Variants in PARVA observed in about 807,000 individuals in gnomAD.
PARVA encodes parvin alpha, also known as alpha-parvin.
A neutral mutation model predicts 52.6 loss-of-function variants in PARVA; 25 were observed. The observed-to-expected ratio is 0.48, with a 90% confidence interval of 0.35 to 0.66. The LOEUF (loss-of-function observed/expected upper bound fraction) is 0.66, where lower values mean the gene tolerates loss of function less well. Ranked by LOEUF, PARVA falls within the 30% of genes least tolerant of loss-of-function variation. The probability of loss-of-function intolerance (pLI) is 0.01; values close to 1 mark genes in which losing one functional copy is unlikely to be tolerated. For synonymous variants in PARVA, 185 were observed against 179.1 expected (o/e 1.03, Z -0.26); for missense variants, 373 against 450.9 (o/e 0.83, Z 1.56).
At chr11:12,442,385 T>C (rs748515969) in intron 1 of PARVA, among the ~76,000 whole-genome samples, 2 of 152,182 alleles carry the variant, frequency 1.3e-5, no homozygotes, top group Non-Finnish European at 2.9e-5. Context: ...ATTCATACTA[T>C]TAACAGGAAG....
intron 1 of PARVA, among the ~76,000 whole-genome samples, chr11:12,428,531 G>A (rs1940270499): frequency 6.6e-6 from 1 of 152,182 alleles, no homozygotes; most frequent in Non-Finnish European, 1.5e-5. Flanking sequence ...AGATACCGCT[G>A]TATCTAGATA....
At chr11:12,409,535 G>A (rs1030920906) in intron 1 of PARVA, among the ~76,000 whole-genome samples, 4 of 152,246 alleles carry the variant, frequency 2.6e-5, no homozygotes, top group Admixed American at 6.5e-5. Context: ...GTGGAAGAGA[G>A]GACAGAAGAA....
chr11:12,439,440 G>A (rs879394314), intron 1 of PARVA, among the ~76,000 whole-genome samples: 2 of 152,218 alleles, frequency 1.3e-5, no homozygotes, highest in Admixed American at 6.5e-5. Context: ...AGATGGTTGA[G>A]ACATTATTGA....
At position 12,377,617 on chromosome 11, in the gene PARVA, C is replaced by G; in HGVS notation, c.-31C>G. 6.4e-7 allele frequency: 1 copy of G among 1,556,382 alleles called. No individual in the cohort carries two copies. Among genetic ancestry groups the G allele is most frequent in the Non-Finnish European group, 8.6e-7 (1 of 1,157,750 alleles). On this transcript the variant is annotated 5_prime_UTR_variant, in exon 1 of 13. Coordinates refer to ENST00000334956, the MANE Select transcript of PARVA (RefSeq NM_018222.5). ...GTCCGCCCAGCGCCAGCTCCGCGTCCCGACCGGCCCGCGGCAGCCTGCGCC... is the reference window on the plus strand; with the variant it reads ...GTCCGCCCAGCGCCAGCTCCGCGTCGCGACCGGCCCGCGGCAGCCTGCGCC...
intron 1 of PARVA, among the ~76,000 whole-genome samples, chr11:12,454,859 T>G (rs1940675415): frequency 6.6e-6 from 1 of 152,218 alleles, no homozygotes; most frequent in African/African-American, 2.4e-5. Context: ...GTAAAAAAAT[T>G]AATAATTCCT....
At chr11:12,411,366 T>G (rs60841504) in intron 1 of PARVA, among the ~76,000 whole-genome samples, 2,392 of 152,316 alleles carry the variant, frequency 0.016, 59 homozygotes, top group African/African-American at 0.054. Flanking sequence ...ATTGCCAACA[T>G]TGTACATTGG....
At chr11:12,455,164 G>T (rs542547379) in intron 1 of PARVA, among the ~76,000 whole-genome samples, 4 of 152,212 alleles carry the variant, frequency 2.6e-5, no homozygotes, top group African/African-American at 9.6e-5. Flanking sequence ...GTCTCTTCAG[G>T]GAAGATGGGG....
intron 1 of PARVA, among the ~76,000 whole-genome samples, chr11:12,419,380 T>C (rs1024477087): frequency 6.6e-6 from 1 of 152,196 alleles, no homozygotes; most frequent in Admixed American, 6.5e-5. Flanking sequence ...ATTTGCCTTT[T>C]TATGACTGAC....
chr11:12,517,959 C>T (rs1449577410), intron 11 of PARVA, among the ~76,000 whole-genome samples: 1 of 152,204 alleles, frequency 6.6e-6, no homozygotes, highest in African/African-American at 2.4e-5. Context: ...GTGTCCCTGT[C>T]AAGTGCCCCA....
intron 3 of PARVA, 126 bp downstream of exon 3, chr11:12,474,109 T>G: frequency 1.4e-6 from 1 of 737,456 alleles, no homozygotes; most frequent in East Asian, 2.7e-5. Context: ...AGCCCCTGCC[T>G]CAGGCAGTGA....
intron 1 of PARVA, among the ~76,000 whole-genome samples, chr11:12,381,160 T>C (rs1431328052): frequency 6.6e-6 from 1 of 152,190 alleles, no homozygotes; most frequent in Non-Finnish European, 1.5e-5. Flanking sequence ...GAAATGACTG[T>C]CCTTAGTGAG....
At chr11:12,522,799 AAAAC>A (rs1341742569) in intron 12 of PARVA, among the ~76,000 whole-genome samples, 11 of 151,932 alleles carry the variant, frequency 7.2e-5, no homozygotes, top group South Asian at 2.1e-4. Flanking sequence ...TAAAAAAAAA[AAAAC>A]AGACAGCTCA....
chr11:12,454,362 G>T (rs1940665652), intron 1 of PARVA, among the ~76,000 whole-genome samples: 1 of 152,052 alleles, frequency 6.6e-6, no homozygotes, highest in African/African-American at 2.4e-5. Context: ...TTTCCTTAGG[G>T]GCTTTGATAG....
intron 5 of PARVA, among the ~76,000 whole-genome samples, chr11:12,498,537 C>G (rs114091701): frequency 6.6e-6 from 1 of 150,390 alleles, no homozygotes; most frequent in Non-Finnish European, 1.5e-5. Flanking sequence ...CTAGTTACAT[C>G]ACTGCATCAT....
chr11:12,411,929 A>C (rs1285435729), intron 1 of PARVA, among the ~76,000 whole-genome samples: 2 of 152,164 alleles, frequency 1.3e-5, no homozygotes, highest in East Asian at 3.9e-4. Flanking sequence ...GCTTCTCAGC[A>C]TTCCCCTAAT....
chr11:12,406,520 TTTACA>T (rs1342294063), intron 1 of PARVA, among the ~76,000 whole-genome samples: 1 of 152,102 alleles, frequency 6.6e-6, no homozygotes, highest in African/African-American at 2.4e-5. Context: ...TTTTTTTTAC[TTTACA>T]TGTCATGAAC....
chr11:12,514,929 C>T (rs145793582), intron 10 of PARVA, among the ~76,000 whole-genome samples: 352 of 152,342 alleles, frequency 2.3e-3, no homozygotes, highest in African/African-American at 8.2e-3. Flanking sequence ...AACAACTCCT[C>T]GGCCTTTCTT....
At chr11:12,438,056 C>T (rs1470236967) in intron 1 of PARVA, among the ~76,000 whole-genome samples, 2 of 151,934 alleles carry the variant, frequency 1.3e-5, no homozygotes, top group Non-Finnish European at 2.9e-5. Context: ...GTCAGGAGAT[C>T]GAGACCATCC....
chr11:12,508,013 T>TAACA (rs1803049180), intron 6 of PARVA, among the ~76,000 whole-genome samples: 1 of 146,754 alleles, frequency 6.8e-6, no homozygotes, highest in South Asian at 2.1e-4. Context: ...GACGAGTTTC[T>TAACA]AACATGCTTA....
Sources: allele counts gnomAD v4.1 joint callset (sites outside exome capture counted in the v4.1 genomes callset), GRCh38; gene constraint gnomAD v4.1.1; transcripts MANE v1.5; gene names NCBI Gene and HGNC (gene_info 2026-07-23, HGNC 2026-07-21).